The following TRPS1 variants were observed in gnomAD, a reference collection of about 807,000 sequenced individuals.
TRPS1 encodes the protein transcriptional repressor GATA binding 1.
Under a neutral mutation model 101.2 loss-of-function variants are expected in TRPS1, and 6 were observed. That is an observed-to-expected ratio of 0.06 (90% CI 0.03 to 0.12). The LOEUF (loss-of-function observed/expected upper bound fraction) is 0.12, where lower values mean the gene tolerates loss of function less well. TRPS1 is among the 10% of genes least tolerant of loss of function. TRPS1 has a pLI of 1.00. For synonymous variants in TRPS1, 578 were observed against 589.8 expected (o/e 0.98, Z 0.29); for missense variants, 1,363 against 1,567.0 (o/e 0.87, Z 2.20).
intron 1 of TRPS1, among the ~76,000 whole-genome samples, chr8:115,631,112 C>T (rs1284289457): frequency 6.6e-6 from 1 of 152,000 alleles, no homozygotes; most frequent in Admixed American, 6.6e-5. Flanking sequence ...AACTACATGC[C>T]TCTAAAATGG....
rs1368938675 is a variant in TRPS1 at position 115,604,789 on chromosome 8, T to C, written c.1180A>G (p.Lys394Glu). 6.2e-7 allele frequency: 1 copy of C among 1,613,994 alleles called. No individual in the cohort carries two copies. The highest frequency in any genetic ancestry group is 8.5e-7 in the Non-Finnish European group (1 of 1,179,968). ...CTGGATTGAAGTGCAGGGATGGACT[T>C]GTTAGAGTTTTTCTCTGAAGGTTTT... ...VAKPSEKNSN[K>E]SIPALQSSDS... Residue 394 changes from lysine to glutamate, a missense_variant, in exon 4 of 7, where the codon AAG becomes GAG. Around this residue, in one of 5 missense-constraint regions of TRPS1, gnomAD observed 1,020 missense variants for 1,073.0 expected, o/e 0.95. Transcript: ENST00000395715. This position sits in a 1 kb window ranked among gnomAD's most constrained non-coding sequence, Gnocchi z 4.1.
intron 5 of TRPS1, chr8:115,511,308 C>T (rs1418805235): frequency 6.6e-6 from 1 of 151,890 alleles, no homozygotes. Flanking sequence ...ATATTTTTCT[C>T]AGGAGACAAC....
chr8:115,522,178 T>C (rs1815881511), intron 5 of TRPS1, among the ~76,000 whole-genome samples: 1 of 152,044 alleles, frequency 6.6e-6, no homozygotes, highest in Admixed American at 6.6e-5. Flanking sequence ...GTTAGAATTA[T>C]AGCATGGCTA....
chr8:115,622,778 A>G (rs984811627), intron 2 of TRPS1, among the ~76,000 whole-genome samples: 2 of 152,180 alleles, frequency 1.3e-5, no homozygotes, highest in African/African-American at 2.4e-5. Context: ...AGAAATGAGG[A>G]AGAAATAATC....
chr8:115,557,495 G>C (rs1816849089), intron 5 of TRPS1, among the ~76,000 whole-genome samples: 1 of 152,154 alleles, frequency 6.6e-6, no homozygotes, highest in South Asian at 2.1e-4. Context: ...CATGGGAGCA[G>C]TTACCCCTTG....
chr8:115,432,190 T>C (rs1296030889), intron 5 of TRPS1, among the ~76,000 whole-genome samples: 1 of 141,684 alleles, frequency 7.1e-6, no homozygotes, highest in African/African-American at 2.6e-5. Flanking sequence ...TATAAAAATA[T>C]AATGGCAGAA....
intron 1 of TRPS1, among the ~76,000 whole-genome samples, chr8:115,629,182 T>A (rs1347377668): frequency 6.6e-6 from 1 of 151,844 alleles, no homozygotes; most frequent in Non-Finnish European, 1.5e-5. Context: ...AAACCAGTAT[T>A]CCTTCACTAA....
chr8:115,559,850 A>G, intron 5 of TRPS1, among the ~76,000 whole-genome samples: 1 of 152,108 alleles, frequency 6.6e-6, no homozygotes, highest in East Asian at 1.9e-4. Context: ...TGTTGACTTC[A>G]ATAACAGACA....
intron 5 of TRPS1, among the ~76,000 whole-genome samples, chr8:115,582,447 A>G (rs918509057): frequency 5.9e-5 from 9 of 152,234 alleles, no homozygotes; most frequent in Admixed American, 1.3e-4. Context: ...AAAAGGGGAA[A>G]TAACATTCTC....
chr8:115,517,957 TA>T (rs1815757218), intron 5 of TRPS1, among the ~76,000 whole-genome samples: 1 of 50,080 alleles, frequency 2.0e-5, no homozygotes, highest in Non-Finnish European at 3.8e-5. Flanking sequence ...GAACCCATAC[TA>T]AAACTGGATC....
chr8:115,583,486 A>G (rs9297541), intron 5 of TRPS1, among the ~76,000 whole-genome samples: 105,567 of 151,922 alleles, frequency 0.69, 38,088 homozygotes, highest in African/African-American at 0.89. Flanking sequence ...AAATGTTGGT[A>G]ACCATTTTCA....
intron 5 of TRPS1, among the ~76,000 whole-genome samples, chr8:115,452,672 G>A (rs949049174): frequency 2.6e-5 from 4 of 152,114 alleles, no homozygotes; most frequent in Admixed American, 6.5e-5. Context: ...TCCAAGTACC[G>A]CAGCCTTGGG....
At chr8:115,465,067 T>G (rs1262545305) in intron 5 of TRPS1, among the ~76,000 whole-genome samples, 3 of 152,080 alleles carry the variant, frequency 2.0e-5, no homozygotes, top group African/African-American at 7.2e-5. Flanking sequence ...GTAATTATTC[T>G]CTCCCACCCT....
At chr8:115,601,353 T>C (rs1586445448) in intron 4 of TRPS1, among the ~76,000 whole-genome samples, 1 of 152,266 alleles carries the variant, frequency 6.6e-6, no homozygotes, top group Non-Finnish European at 1.5e-5. Flanking sequence ...TTTTAGAAAA[T>C]GCTTTGATAG....
At chr8:115,658,805 T>TA (rs905697382) in intron 1 of TRPS1, among the ~76,000 whole-genome samples, 1 of 152,082 alleles carries the variant, frequency 6.6e-6, no homozygotes, top group African/African-American at 2.4e-5. Context: ...TAATGTTGAA[T>TA]AAAAATATGT....
chr8:115,637,731 TTAA>T (rs1324699017), intron 1 of TRPS1, among the ~76,000 whole-genome samples: 2 of 152,228 alleles, frequency 1.3e-5, no homozygotes, highest in African/African-American at 4.8e-5. Flanking sequence ...TAGGTGCTGC[TTAA>T]TAAATATTTG....
At chr8:115,633,307 C>T (rs1001723941) in intron 1 of TRPS1, among the ~76,000 whole-genome samples, 1 of 152,026 alleles carries the variant, frequency 6.6e-6, no homozygotes, top group African/African-American at 2.4e-5. Flanking sequence ...GACACCCTAA[C>T]AGGGGTGAAG....
intron 5 of TRPS1, among the ~76,000 whole-genome samples, chr8:115,470,654 T>G (rs925714487): frequency 6.6e-6 from 1 of 152,142 alleles, no homozygotes; most frequent in African/African-American, 2.4e-5. Flanking sequence ...AATCTTTCTA[T>G]AAAATATACC....
chr8:115,544,171 G>A (rs1816518630), intron 5 of TRPS1, among the ~76,000 whole-genome samples: 1 of 149,880 alleles, frequency 6.7e-6, no homozygotes, highest in Non-Finnish European at 1.5e-5. Context: ...CTAAGAGGAA[G>A]GATCTAGTAT....
Sources: allele counts gnomAD v4.1 joint callset (sites outside exome capture counted in the v4.1 genomes callset), GRCh38; gene constraint gnomAD v4.1.1; regional missense constraint gnomAD v4.1.1; non-coding constraint Gnocchi (gnomAD v3.1); transcripts MANE v1.5; gene names NCBI Gene and HGNC (gene_info 2026-07-23, HGNC 2026-07-21).